The following FBXL17 variants were observed in gnomAD, a reference collection of about 807,000 sequenced individuals.
FBXL17 encodes the protein F-box/LRR-repeat protein 17.
A neutral mutation model predicts 66.2 loss-of-function variants in FBXL17; 22 were observed. That is an observed-to-expected ratio of 0.33 (90% CI 0.24 to 0.47). The LOEUF is 0.47. FBXL17 is among the 20% of genes least tolerant of loss of function. The pLI, the probability that FBXL17 is intolerant of heterozygous loss-of-function variation, is 1.00. For synonymous variants in FBXL17, 474 were observed against 400.5 expected (o/e 1.18, Z -2.19); for missense variants, 878 against 948.2 (o/e 0.93, Z 0.97).
chr5:108,018,713 G>A (rs1754475733), intron 7 of FBXL17, among the ~76,000 whole-genome samples: 1 of 152,060 alleles, frequency 6.6e-6, no homozygotes, highest in Non-Finnish European at 1.5e-5. Context: ...TGAGGTGCAA[G>A]AAAAATCATG....
At position 108,172,049 on chromosome 5, in the gene FBXL17, C is replaced by A. The variant is rs1752624616; in HGVS notation, c.1745+14068G>T. Among the ~76,000 whole-genome samples the A allele has an allele frequency of 2.0e-5, 3 of 152,186 alleles. No individual in the cohort carries two copies. In the South Asian group the frequency reaches 6.2e-4, roughly 31 times the overall value. On this transcript the variant is annotated intron_variant, in intron 6 of 8. Transcript: ENST00000542267. ...CATGGAACTGAGAGTCCAATTAAGC[C>A]TCTTTCTTTTGTAAATTACCCAGTC...
At chr5:107,978,171 T>C (rs920660294) in intron 7 of FBXL17, among the ~76,000 whole-genome samples, 5 of 152,096 alleles carry the variant, frequency 3.3e-5, no homozygotes, top group African/African-American at 1.2e-4. Flanking sequence ...ATTATGACAG[T>C]GAGAGAAATC....
chr5:107,892,406 T>C (rs1749226219), intron 7 of FBXL17, among the ~76,000 whole-genome samples: 1 of 152,162 alleles, frequency 6.6e-6, no homozygotes, highest in South Asian at 2.1e-4. Flanking sequence ...GAGATGTCTT[T>C]GCTTGGGGGA....
intron 4 of FBXL17, among the ~76,000 whole-genome samples, chr5:108,269,626 A>G (rs945538265): frequency 2.0e-5 from 3 of 152,030 alleles, no homozygotes; most frequent in African/African-American, 7.2e-5. Context: ...AGATTAAAAT[A>G]TGGGTACTGG....
chr5:108,043,741 T>G (rs1747138189), intron 6 of FBXL17, among the ~76,000 whole-genome samples: 1 of 152,224 alleles, frequency 6.6e-6, no homozygotes, highest in Non-Finnish European at 1.5e-5. Flanking sequence ...CTTATCTATA[T>G]CTACAAAAAA....
At chr5:108,099,799 G>A (rs1448435426) in intron 6 of FBXL17, among the ~76,000 whole-genome samples, 1 of 152,218 alleles carries the variant, frequency 6.6e-6, no homozygotes, top group African/African-American at 2.4e-5. Context: ...AGAATGGCAT[G>A]TTTGAGGATG....
intron 4 of FBXL17, among the ~76,000 whole-genome samples, chr5:108,295,792 G>T (rs1384248858): frequency 6.6e-6 from 1 of 151,824 alleles, no homozygotes; most frequent in Admixed American, 6.6e-5. Context: ...GGTAGGAAAG[G>T]GAAAGAGAAA....
intron 1 of FBXL17, among the ~76,000 whole-genome samples, chr5:108,368,241 A>C (rs962807867): frequency 1.8e-4 from 27 of 151,986 alleles, no homozygotes; most frequent in African/African-American, 6.5e-4. Context: ...TAAAAAAAAA[A>C]GAATTGAAAG....
intron 3 of FBXL17, among the ~76,000 whole-genome samples, chr5:108,360,469 AG>A (rs1748273087): frequency 6.6e-6 from 1 of 152,046 alleles, no homozygotes; most frequent in Non-Finnish European, 1.5e-5. Flanking sequence ...AATCTTATTG[AG>A]GAGTGCTTGT....
chr5:108,317,341 T>G (rs758526659), intron 4 of FBXL17, among the ~76,000 whole-genome samples: 31 of 150,678 alleles, frequency 2.1e-4, no homozygotes, highest in South Asian at 6.2e-4. Context: ...TTTGTTTTTT[T>G]TTTTAACTAG....
intron 4 of FBXL17, among the ~76,000 whole-genome samples, chr5:108,295,235 GA>G (rs1442455995): frequency 6.6e-6 from 1 of 151,500 alleles, no homozygotes; most frequent in Non-Finnish European, 1.5e-5. Flanking sequence ...TTTACTACAA[GA>G]AAAAATATTT....
chr5:107,890,247 T>A (rs1382341273), intron 7 of FBXL17, among the ~76,000 whole-genome samples: 4 of 152,050 alleles, frequency 2.6e-5, no homozygotes, highest in African/African-American at 9.7e-5. Flanking sequence ...TTTGCAGAGA[T>A]GGGAAAGTAC....
At chr5:107,867,443 G>T (rs1748307983) in intron 8 of FBXL17, among the ~76,000 whole-genome samples, 1 of 152,202 alleles carries the variant, frequency 6.6e-6, no homozygotes, top group South Asian at 2.1e-4. Flanking sequence ...TAGACTAAAA[G>T]GCATGCTAAT....
chr5:108,220,773 T>G (rs545451308), intron 5 of FBXL17, among the ~76,000 whole-genome samples: 1 of 152,270 alleles, frequency 6.6e-6, no homozygotes, highest in East Asian at 1.9e-4. Flanking sequence ...GTCTAAACAC[T>G]GAAGGTAACT....
intron 4 of FBXL17, among the ~76,000 whole-genome samples, chr5:108,287,691 G>GT (rs1757954763): frequency 6.6e-6 from 1 of 151,952 alleles, no homozygotes; most frequent in Non-Finnish European, 1.5e-5. Context: ...TTCAGCCATT[G>GT]GGAAAAGCAG....
intron 5 of FBXL17, among the ~76,000 whole-genome samples, chr5:108,205,628 T>C (rs1754084483): frequency 6.6e-6 from 1 of 152,312 alleles, no homozygotes; most frequent in Non-Finnish European, 1.5e-5. Context: ...AATCTAGATT[T>C]AGCTGATTGT....
chr5:108,255,928 C>T (rs181333560), intron 4 of FBXL17, among the ~76,000 whole-genome samples: 50 of 152,160 alleles, frequency 3.3e-4, no homozygotes, highest in Middle Eastern at 3.4e-3. Flanking sequence ...CAAAGCAAGG[C>T]GTAAGGCAAG....
At chr5:108,063,461 C>T (rs1041567928) in intron 6 of FBXL17, among the ~76,000 whole-genome samples, 2 of 152,178 alleles carry the variant, frequency 1.3e-5, no homozygotes, top group Non-Finnish European at 2.9e-5. Context: ...CTAACCTTAG[C>T]GTGGCTTTCA....
At chr5:107,923,762 T>C (rs1414808902) in intron 7 of FBXL17, among the ~76,000 whole-genome samples, 6 of 152,198 alleles carry the variant, frequency 3.9e-5, no homozygotes, top group African/African-American at 1.2e-4. Context: ...CACTCTTTCA[T>C]TGATTCATTC....
Sources: allele counts gnomAD v4.1 joint callset (sites outside exome capture counted in the v4.1 genomes callset), GRCh38; gene constraint gnomAD v4.1.1; transcripts MANE v1.5; gene names NCBI Gene and HGNC (gene_info 2026-07-23, HGNC 2026-07-21).